FHIT: variants seen among roughly 807,000 people sequenced by gnomAD.
FHIT encodes the protein fragile histidine triad diadenosine triphosphatase.
Under a neutral mutation model 17.9 loss-of-function variants are expected in FHIT, and 19 were observed. That is an observed-to-expected ratio of 1.06 (90% confidence interval 0.74 to 1.56). FHIT has a LOEUF of 1.56. Among genes scored for constraint, FHIT ranks in the 40% most tolerant of loss-of-function variants. FHIT has a pLI of 0.00. For synonymous variants in FHIT, 81 were observed against 69.7 expected, an observed-to-expected ratio of 1.16 and a Z score of -0.81; for missense variants, 248 against 189.2, an observed-to-expected ratio of 1.31 and a Z score of -1.82.
intron 5 of FHIT, among the ~76,000 whole-genome samples, chr3:60,333,359 TG>T (rs559724756): frequency 2.8e-4 from 42 of 152,342 alleles, no homozygotes; most frequent in African/African-American, 8.9e-4. Context: ...ATAGATCCCT[TG>T]CTTCTAATGG....
At chr3:61,014,907 TA>T in intron 3 of FHIT, among the ~76,000 whole-genome samples, 1 of 148,164 alleles carries the variant, frequency 6.7e-6, no homozygotes, top group East Asian at 2.0e-4. Flanking sequence ...TCCATATACA[TA>T]TATATATGTG....
intron 5 of FHIT, among the ~76,000 whole-genome samples, chr3:60,360,945 T>C (rs1699881601): frequency 1.3e-5 from 2 of 152,228 alleles, no homozygotes; most frequent in South Asian, 2.1e-4. Flanking sequence ...GTCTGAATTA[T>C]TGAAAAAGCC....
chr3:60,626,881 C>T (rs1477452385), intron 4 of FHIT, among the ~76,000 whole-genome samples: 3 of 145,930 alleles, frequency 2.1e-5, no homozygotes, highest in Non-Finnish European at 3.0e-5. Flanking sequence ...TATTCTATTT[C>T]CTTGAGTGTT....
intron 4 of FHIT, among the ~76,000 whole-genome samples, chr3:60,619,990 G>A (rs1020632580): frequency 2.7e-4 from 41 of 152,044 alleles, no homozygotes; most frequent in African/African-American, 9.6e-4. Flanking sequence ...ATTTAAAAAT[G>A]GGCAAAAGAC....
chr3:60,383,808 T>C (rs111934307), intron 5 of FHIT, among the ~76,000 whole-genome samples: 247 of 152,300 alleles, frequency 1.6e-3, no homozygotes, highest in Non-Finnish European at 2.8e-3. Flanking sequence ...TCATCCTGTC[T>C]CTCTAAACAA....
rs574854194 is a variant in FHIT at position 61,052,646 on chromosome 3, T to G, written c.-163-10547A>C. Among the ~76,000 whole-genome samples, 3 of 152,320 alleles carry G rather than the reference T, an allele frequency of 2.0e-5. No homozygotes were observed. In the South Asian group the frequency reaches 6.2e-4, roughly 32 times the overall value. On this transcript the variant is annotated intron_variant, in intron 2 of 9. Transcript: ENST00000492590. Reference sequence around the variant, plus strand: ...TCAACAGACAAATTTATGCTGTTATTGCCCACGAGTTTCTAAATCCTTACT... The same window carrying G: ...TCAACAGACAAATTTATGCTGTTATGGCCCACGAGTTTCTAAATCCTTACT...
At chr3:60,389,086 A>C (rs1271462353) in intron 5 of FHIT, among the ~76,000 whole-genome samples, 1 of 152,160 alleles carries the variant, frequency 6.6e-6, no homozygotes, top group East Asian at 1.9e-4. Context: ...AAAGGCACTC[A>C]ATTTAGCAAT....
At chr3:60,707,679 G>A (rs2041409044) in intron 4 of FHIT, among the ~76,000 whole-genome samples, 1 of 152,116 alleles carries the variant, frequency 6.6e-6, no homozygotes, top group African/African-American at 2.4e-5. Flanking sequence ...CCTTTTGAAT[G>A]CCTCCTTAAT....
intron 5 of FHIT, among the ~76,000 whole-genome samples, chr3:60,186,743 G>A (rs1336156631): frequency 3.3e-5 from 5 of 151,998 alleles, no homozygotes; most frequent in Non-Finnish European, 7.4e-5. Context: ...AGAAATTAGA[G>A]CAGAAGAGCT....
rs546247254 is a variant in FHIT at position 60,691,515 on chromosome 3, G to A, written c.-18+130404C>T. On this transcript the variant is annotated intron_variant, in intron 4 of 9. Transcript: ENST00000492590. ...CTCCTAAGTAGCTGGGACTGCAGGT[G>A]TGTGCCACCACACCTGGCTAATTTT... 1.8e-4 allele frequency among the ~76,000 whole-genome samples: 27 copies of A among 151,992 alleles called. No individual in the cohort carries two copies. The East Asian group carries it at 5.1e-3, about 29-fold the overall frequency.
intron 5 of FHIT, among the ~76,000 whole-genome samples, chr3:60,362,343 T>C (rs1023264434): frequency 7.9e-5 from 12 of 152,210 alleles, no homozygotes; most frequent in African/African-American, 2.7e-4. Flanking sequence ...TGAGATACAA[T>C]ACTTAGAAGC....
intron 5 of FHIT, among the ~76,000 whole-genome samples, chr3:60,496,855 T>G (rs2034320148): frequency 1.3e-5 from 2 of 151,798 alleles, no homozygotes; most frequent in African/African-American, 4.8e-5. Flanking sequence ...CAATGCCGAG[T>G]AAAAGAAACT....
chr3:60,128,496 C>T (rs774778852), intron 5 of FHIT, among the ~76,000 whole-genome samples: 8 of 152,176 alleles, frequency 5.3e-5, no homozygotes, highest in Admixed American at 2.6e-4. Flanking sequence ...TATAAATTGT[C>T]CAGTCTCGGA....
intron 1 of FHIT, among the ~76,000 whole-genome samples, chr3:61,226,677 C>G (rs531933716): frequency 3.9e-5 from 6 of 152,140 alleles, no homozygotes; most frequent in African/African-American, 7.2e-5. Context: ...AAAACACAGA[C>G]AGAGAGAGAG....
intron 5 of FHIT, among the ~76,000 whole-genome samples, chr3:60,057,950 G>A (rs1288523970): frequency 4.5e-5 from 6 of 132,734 alleles, no homozygotes; most frequent in South Asian, 2.3e-4. Flanking sequence ...TTTTCTGCAC[G>A]GCAAACAGCA....
chr3:61,134,749 A>G lies in FHIT; in HGVS notation c.-164+65868T>C, dbSNP rs145658631. ...GGAAGAGCAAAAGCCAACTAAGGGT[A>G]CATTATCAAGTTTACCACTTGCCAA... is the stretch of plus-strand genomic sequence containing the variant. On this transcript the variant is annotated intron_variant, in intron 2 of 9. Coordinates refer to ENST00000492590, the MANE Select transcript of FHIT (RefSeq NM_002012.4). Among the ~76,000 whole-genome samples the G allele has an allele frequency of 2.8e-3, 422 of 152,276 alleles. 2 individuals are homozygous for G. The highest frequency in any genetic ancestry group is 9.6e-3 in the African/African-American group (401 of 41,568).
chr3:60,072,057 T>C (rs1702797615), intron 5 of FHIT, among the ~76,000 whole-genome samples: 1 of 150,206 alleles, frequency 6.7e-6, no homozygotes, highest in African/African-American at 2.5e-5. Flanking sequence ...ACTAACAGAG[T>C]GAGAACAGAC....
chr3:60,606,272 G>A (rs1190561572), intron 4 of FHIT, among the ~76,000 whole-genome samples: 9 of 147,928 alleles, frequency 6.1e-5, no homozygotes, highest in Admixed American at 3.4e-4. Context: ...ATGGAGTCTC[G>A]TTCTGTCACC....
At chr3:60,336,662 A>G (rs1272696531) in intron 5 of FHIT, among the ~76,000 whole-genome samples, 1 of 152,210 alleles carries the variant, frequency 6.6e-6, no homozygotes, top group East Asian at 1.9e-4. Flanking sequence ...TCAGGTCCTC[A>G]TTGTCCATGA....
Sources: allele counts gnomAD v4.1 joint callset (sites outside exome capture counted in the v4.1 genomes callset), GRCh38; gene constraint gnomAD v4.1.1; transcripts MANE v1.5; gene names NCBI Gene and HGNC (gene_info 2026-07-23, HGNC 2026-07-21).